Variants in SDK2 observed in about 807,000 individuals in gnomAD.
The protein encoded by SDK2 is sidekick cell adhesion molecule 2, also known as protein sidekick-2.
A neutral mutation model predicts 253.9 loss-of-function variants in SDK2; 105 were observed. The observed-to-expected ratio is 0.41, with a 90% CI of 0.35 to 0.49. The LOEUF (loss-of-function observed/expected upper bound fraction) is 0.49. Among genes scored for constraint, SDK2 ranks in the 20% least tolerant of loss-of-function variants. The pLI is 0.06. For synonymous variants in SDK2, 1,249 were observed against 1,234.9 expected (o/e 1.01, Z -0.24); for missense variants, 2,608 against 3,003.0 (o/e 0.87, Z 3.07).
intron 18 of SDK2, among the ~76,000 whole-genome samples, chr17:73,402,904 TCTC>T (rs2063040630): frequency 6.6e-6 from 1 of 152,150 alleles, no homozygotes; most frequent in Admixed American, 6.6e-5. Context: ...TTCAAGTGAT[TCTC>T]CTGTCTCAGC....
At chr17:73,341,425 G>C (rs1464351095) in intron 44 of SDK2, among the ~76,000 whole-genome samples, 4 of 151,790 alleles carry the variant, frequency 2.6e-5, no homozygotes, top group South Asian at 2.1e-4. Context: ...CAACAGATGG[G>C]CCCCCCCTCA....
chr17:73,587,892 C>T (rs1344801959), intron 1 of SDK2, among the ~76,000 whole-genome samples: 4 of 152,232 alleles, frequency 2.6e-5, no homozygotes, highest in South Asian at 4.2e-4. Context: ...TTCTTCACAC[C>T]CTCAGGGAGG....
At chr17:73,575,804 G>A (rs935822945) in intron 1 of SDK2, among the ~76,000 whole-genome samples, 6 of 152,248 alleles carry the variant, frequency 3.9e-5, no homozygotes, top group African/African-American at 1.2e-4. Flanking sequence ...ACGCAGCAGC[G>A]CTAGGGCTAG....
chr17:73,587,057 G>A (rs2045612049), intron 1 of SDK2, among the ~76,000 whole-genome samples: 1 of 152,212 alleles, frequency 6.6e-6, no homozygotes, highest in Admixed American at 6.5e-5. Flanking sequence ...ATGGTGCCTG[G>A]CCTGTGGCTG....
intron 30 of SDK2, among the ~76,000 whole-genome samples, chr17:73,387,359 C>G (rs1334163518): frequency 2.0e-5 from 3 of 152,080 alleles, no homozygotes; most frequent in Non-Finnish European, 4.4e-5. Flanking sequence ...GAGCAAACGT[C>G]TCTCTTTTAG....
At chr17:73,416,148 CA>C (rs1320868083) in intron 16 of SDK2, among the ~76,000 whole-genome samples, 156 bp from the exon 17 acceptor site, 5 of 151,462 alleles carry the variant, frequency 3.3e-5, no homozygotes, top group Non-Finnish European at 5.9e-5. Flanking sequence ...CCAGCACATG[CA>C]GCTGCTGAGC....
intron 29 of SDK2, among the ~76,000 whole-genome samples, chr17:73,389,939 G>A (rs2062912968): frequency 6.6e-6 from 1 of 152,060 alleles, no homozygotes; most frequent in African/African-American, 2.4e-5. Context: ...AGTAGAGACG[G>A]GGTTTCACCA....
At chr17:73,427,360 T>C (rs969555692) in intron 12 of SDK2, among the ~76,000 whole-genome samples, 3 of 152,158 alleles carry the variant, frequency 2.0e-5, no homozygotes, top group African/African-American at 7.2e-5. Context: ...TCTGTGTAAA[T>C]AAAGTTTTAT....
At chr17:73,556,837 C>G (rs1414722267) in intron 1 of SDK2, among the ~76,000 whole-genome samples, 1 of 152,170 alleles carries the variant, frequency 6.6e-6, no homozygotes, top group Non-Finnish European at 1.5e-5. Context: ...CCTCAGTTTT[C>G]TCTTCTGTAA....
At chr17:73,363,865 T>C (rs2062661882) in intron 38 of SDK2, among the ~76,000 whole-genome samples, 1 of 152,022 alleles carries the variant, frequency 6.6e-6, no homozygotes, top group Non-Finnish European at 1.5e-5. Flanking sequence ...GCCCTGCACC[T>C]GACTGGATCT....
chr17:73,358,117 C>T lies in SDK2; in HGVS notation c.5555G>A (p.Gly1852Glu), dbSNP rs1413247614. Reference protein sequence around the residue: ...IHWSSGDPGKGPITRYVIEAR... With the variant: ...IHWSSGDPGKEPITRYVIEAR... ...CTCGATGACGTAGCGGGTGATGGGC[C>T]CTTTGCCCGGGTCTCCGCTGGACCA... is the stretch of plus-strand genomic sequence containing the variant. Residue 1852 changes from glycine (G) to glutamate (E), a missense_variant, in exon 40 of 45, where the codon GGG becomes GAG. This residue lies in a region of SDK2 where 1,103 missense variants were observed against 1,143.9 expected (regional missense o/e 0.96). Coordinates refer to ENST00000392650, the MANE Select transcript of SDK2 (RefSeq NM_001144952.2). 6.8e-6 allele frequency: 11 copies of T among 1,613,276 alleles called. No individual in the cohort carries two copies. Among genetic ancestry groups the T allele is most frequent in the Non-Finnish European group, 9.3e-6 (11 of 1,179,782 alleles).
intron 1 of SDK2, among the ~76,000 whole-genome samples, chr17:73,510,333 C>A (rs746324946): frequency 1.1e-4 from 16 of 152,116 alleles, no homozygotes; most frequent in South Asian, 6.2e-4. Context: ...ATATAACCTG[C>A]GGCAGGTTGG....
intron 33 of SDK2, 127 bp from the exon 34 acceptor site, chr17:73,381,077 A>C: frequency 1.5e-6 from 1 of 647,412 alleles, no homozygotes; most frequent in Non-Finnish European, 2.8e-6. Context: ...AACAGACAGG[A>C]AGAGTGTTTC....
At chr17:73,533,387 C>T (rs1279384588) in intron 1 of SDK2, among the ~76,000 whole-genome samples, 1 of 152,248 alleles carries the variant, frequency 6.6e-6, no homozygotes, top group East Asian at 1.9e-4. Context: ...CTGGCGGGCA[C>T]ATCCCCTGGC....
intron 29 of SDK2, among the ~76,000 whole-genome samples, chr17:73,389,414 C>T (rs1313234604): frequency 2.0e-5 from 3 of 152,100 alleles, no homozygotes; most frequent in South Asian, 2.1e-4. Context: ...GAACTCCCGA[C>T]CTCAGGTGAT....
At chr17:73,380,566 A>G (rs962205562) in intron 34 of SDK2, among the ~76,000 whole-genome samples, 1 of 152,104 alleles carries the variant, frequency 6.6e-6, no homozygotes, top group African/African-American at 2.4e-5. Flanking sequence ...AACCACGTGG[A>G]CACCTGCCCA....
rs752761031 is a variant in SDK2, at chr17:73,447,274, C to T, written c.613+341G>A. On this transcript the variant is annotated intron_variant, in intron 5 of 44. Coordinates refer to ENST00000392650, the MANE Select transcript of SDK2 (RefSeq NM_001144952.2). This position sits in a 1 kb window ranked among gnomAD's most constrained non-coding sequence, Gnocchi z 4.0. ...GCCCTCCTGGTCAGCATCTGAGCCC[C>T]GATAGTGGCTGCAACTCACACATGC... Among the ~76,000 whole-genome samples the T allele has an allele frequency of 1.3e-5, 2 of 152,200 alleles. No individual in the cohort carries two copies. The highest frequency in any genetic ancestry group is 2.4e-5 in the African/African-American group (1 of 41,528).
At chr17:73,490,760 A>C (rs776704244) in intron 2 of SDK2, among the ~76,000 whole-genome samples, 3 of 151,782 alleles carry the variant, frequency 2.0e-5, no homozygotes, top group Non-Finnish European at 4.4e-5. Flanking sequence ...CCCTGAGCTC[A>C]AGTGATCCAC....
At position 73,379,217 on chromosome 17, in the gene SDK2, G is replaced by T. The variant is rs866806553; in HGVS notation, c.4940C>A (p.Pro1647His). 1 of 1,559,412 alleles carries T rather than the reference G, an allele frequency of 6.4e-7. No individual in the cohort carries two copies. Among genetic ancestry groups the T allele is most frequent in the African/African-American group, 1.4e-5 (1 of 73,570 alleles). Residue 1647 changes from proline (P) to histidine (H), a missense_variant, in exon 36 of 45, where the codon CCT becomes CAT. Physicochemically the swap from Pro to His is moderately conservative, Grantham distance 77. This residue lies in a region of SDK2 where 1,103 missense variants were observed against 1,143.9 expected (regional missense o/e 0.96). Transcript: ENST00000392650. The surrounding 1 kb of genome is among the most constrained non-coding windows in gnomAD (Gnocchi z 4.5). ...ATQLDVTWEP[P>H]PLDSQNGDIQ... ...GTCTCCATTCTGGCTGTCCAGCGGA[G>T]GTGGCTCCCAAGTCACGTCCAGCTG...
Sources: gnomAD v4.1 joint callset for allele counts (sites outside exome capture counted in the v4.1 genomes callset) on GRCh38, gnomAD v4.1.1 for gene constraint, gnomAD v4.1.1 regional missense constraint, Gnocchi (gnomAD v3.1) non-coding constraint, MANE v1.5 for transcripts, NCBI Gene and HGNC (gene_info 2026-07-23, HGNC 2026-07-21) for gene names.